Variants in CDIN1 observed in about 807,000 individuals in gnomAD.
The protein encoded by CDIN1 is CDAN1-interacting nuclease 1.
A neutral mutation model predicts 45.3 loss-of-function variants in CDIN1; 33 were observed. That is an observed-to-expected ratio of 0.73 (90% CI 0.55 to 0.97). The LOEUF (loss-of-function observed/expected upper bound fraction) is 0.97, where lower values mean the gene tolerates loss of function less well. Among genes scored for constraint, CDIN1 ranks in the 50% least tolerant of loss-of-function variants. The pLI is 0.00. For missense variants in CDIN1, 303 were observed against 339.4 expected (o/e 0.89, Z 0.84); for synonymous variants, 118 against 124.4 (o/e 0.95, Z 0.34).
chr15:36,714,539 C>G (rs1024093616), intron 10 of CDIN1, among the ~76,000 whole-genome samples: 3 of 152,122 alleles, frequency 2.0e-5, no homozygotes, highest in Admixed American at 1.3e-4. Context: ...AAAATATATT[C>G]TATTCTACAT....
Position 36,628,880 on chromosome 15 carries a change from A to G in CDIN1, c.102-15398A>G, listed in dbSNP as rs1033413970. Among the ~76,000 whole-genome samples, 4 of 152,174 alleles carry G rather than the reference A, an allele frequency of 2.6e-5. 1 individual carries two copies. Among genetic ancestry groups the G allele is most frequent in the Non-Finnish European group, 5.9e-5 (4 of 68,022 alleles). ...TCCTAGAATACCAGGATGGGCCCTA[A>G]ATGGAATTACATGCATCCTGAGAAG... On this transcript the variant is annotated intron_variant, in intron 1 of 10. Transcript: ENST00000566621.
chr15:36,743,085 T>C (rs747498929), intron 10 of CDIN1, among the ~76,000 whole-genome samples: 1 of 152,224 alleles, frequency 6.6e-6, no homozygotes, highest in Non-Finnish European at 1.5e-5. Context: ...GTAACTTTGG[T>C]ATTTCTGAAG....
At chr15:36,682,043 C>G (rs1566894671) in intron 5 of CDIN1, among the ~76,000 whole-genome samples, 1 of 151,966 alleles carries the variant, frequency 6.6e-6, no homozygotes, top group African/African-American at 2.4e-5. Context: ...TTAGAGTTCT[C>G]CAGAGAAACA....
At chr15:36,741,227 C>T (rs573039988) in intron 10 of CDIN1, among the ~76,000 whole-genome samples, 21 of 152,292 alleles carry the variant, frequency 1.4e-4, no homozygotes, top group Admixed American at 4.6e-4. Flanking sequence ...ATGACCTCTA[C>T]TTTATGAGGA....
chr15:36,784,815 CCATAAA>C (rs1489021693), intron 10 of CDIN1, among the ~76,000 whole-genome samples: 1 of 152,108 alleles, frequency 6.6e-6, no homozygotes, highest in Non-Finnish European at 1.5e-5. Flanking sequence ...TCCTTCAGTA[CCATAAA>C]CATAATTGTT....
intron 10 of CDIN1, among the ~76,000 whole-genome samples, chr15:36,769,924 T>A (rs1289097571): frequency 6.6e-6 from 1 of 152,162 alleles, no homozygotes; most frequent in Non-Finnish European, 1.5e-5. Context: ...TTTAAAAAGC[T>A]CTTTTTGCTC....
At chr15:36,598,709 G>A (rs573099064) in intron 1 of CDIN1, among the ~76,000 whole-genome samples, 10 of 151,062 alleles carry the variant, frequency 6.6e-5, no homozygotes, top group African/African-American at 2.2e-4. Context: ...CCTTCTGTCC[G>A]TCCCTCCCTT....
intron 10 of CDIN1, among the ~76,000 whole-genome samples, chr15:36,710,312 A>G (rs1445539799): frequency 1.3e-5 from 2 of 152,158 alleles, no homozygotes; most frequent in African/African-American, 4.8e-5. Flanking sequence ...ATGCTTACTC[A>G]GACCTTAAAA....
chr15:36,782,508 T>C (rs1452287055), intron 10 of CDIN1, among the ~76,000 whole-genome samples: 1 of 152,208 alleles, frequency 6.6e-6, no homozygotes, highest in Non-Finnish European at 1.5e-5. Context: ...TTTTCAGATT[T>C]TGAATTTTTA....
rs533129329 is a variant in CDIN1, at chr15:36,639,776, A to C, written c.102-4502A>C. Among the ~76,000 whole-genome samples, 4 of 152,280 alleles carry C rather than the reference A, an allele frequency of 2.6e-5. No homozygotes were observed. In the East Asian group the frequency reaches 5.8e-4, roughly 22 times the overall value. ...TGAACATCCACAGATTTTGATTTCC[A>C]TGAGGGTCCGGAAACCAGTCCCCCC... is the stretch of plus-strand genomic sequence containing the variant. On this transcript the variant is annotated intron_variant, in intron 1 of 10. Transcript: ENST00000566621.
intron 5 of CDIN1, among the ~76,000 whole-genome samples, chr15:36,686,687 C>T (rs1201193860): frequency 1.3e-5 from 2 of 151,090 alleles, no homozygotes; most frequent in Non-Finnish European, 2.9e-5. Flanking sequence ...TGAGACCAGC[C>T]TGGCAACATA....
chr15:36,591,655 A>C (rs1391792975), intron 1 of CDIN1: 1 of 152,256 alleles, frequency 6.6e-6, no homozygotes, highest in Non-Finnish European at 1.5e-5. Flanking sequence ...CAGATAGATC[A>C]TAAAACATTG....
At chr15:36,720,048 C>T (rs945960619) in intron 10 of CDIN1, among the ~76,000 whole-genome samples, 9 of 122,790 alleles carry the variant, frequency 7.3e-5, no homozygotes, top group South Asian at 2.7e-4. Flanking sequence ...TTCTTCTAAA[C>T]GAACCATTTT....
chr15:36,722,952 C>G (rs1247568977), intron 10 of CDIN1, among the ~76,000 whole-genome samples: 2 of 104,602 alleles, frequency 1.9e-5, no homozygotes, highest in Non-Finnish European at 4.0e-5. Context: ...CAATTACATT[C>G]ACTTGTGTGT....
At chr15:36,716,973 C>A (rs956511952) in intron 10 of CDIN1, among the ~76,000 whole-genome samples, 12 of 152,166 alleles carry the variant, frequency 7.9e-5, no homozygotes, top group African/African-American at 2.7e-4. Context: ...TCTTTCTACT[C>A]CACCGGCAGC....
intron 5 of CDIN1, among the ~76,000 whole-genome samples, chr15:36,659,966 C>CTTTTTTTTTTTTTT (rs778988517): frequency 2.2e-4 from 23 of 105,118 alleles, no homozygotes; most frequent in South Asian, 3.2e-4. Flanking sequence ...CCTTCCTTTT[C>CTTTTTTTTTTTTTT]TTTTTTTTTT....
chr15:36,607,761 C>G (rs1013015157), intron 1 of CDIN1, among the ~76,000 whole-genome samples: 1 of 152,130 alleles, frequency 6.6e-6, no homozygotes, highest in Non-Finnish European at 1.5e-5. Context: ...AATTCAGTGA[C>G]TTTTAGTATA....
chr15:36,645,069 G>A (rs1470522980), intron 2 of CDIN1, among the ~76,000 whole-genome samples, 154 bp from the exon 3 acceptor site: 2 of 152,164 alleles, frequency 1.3e-5, no homozygotes, highest in Admixed American at 1.3e-4. Context: ...AGAGTAGAAG[G>A]AAAAGAAGTC....
At chr15:36,768,983 C>A (rs1370659493) in intron 10 of CDIN1, among the ~76,000 whole-genome samples, 1 of 151,792 alleles carries the variant, frequency 6.6e-6, no homozygotes, top group Non-Finnish European at 1.5e-5. Context: ...GGCCTGAGAT[C>A]TGTTATAAAA....
Sources: gnomAD v4.1 joint callset for allele counts (sites outside exome capture counted in the v4.1 genomes callset) on GRCh38, gnomAD v4.1.1 for gene constraint, MANE v1.5 for transcripts, NCBI Gene and HGNC (gene_info 2026-07-23, HGNC 2026-07-21) for gene names.